PARM1: variants seen among roughly 807,000 people sequenced by gnomAD.
PARM1 encodes WSC4, cell wall integrity and stress response component 4 homolog.
PARM1 carries 14 observed loss-of-function variants against 24.6 expected under a neutral mutation model. That is an observed-to-expected ratio of 0.57 (90% CI 0.38 to 0.89). The LOEUF (loss-of-function observed/expected upper bound fraction) is 0.89, where lower values mean the gene tolerates loss of function less well. Among genes scored for constraint, PARM1 ranks in the 40% least tolerant of loss-of-function variants. The pLI is 0.00. For missense variants in PARM1, 362 were observed against 380.4 expected, an observed-to-expected ratio of 0.95 and a Z score of 0.40; for synonymous variants, 179 against 156.6, an observed-to-expected ratio of 1.14 and a Z score of -1.07.
intron 1 of PARM1, among the ~76,000 whole-genome samples, chr4:75,007,418 G>A (rs1168168796): frequency 6.6e-6 from 1 of 152,086 alleles, no homozygotes. Context: ...GGGGTCACAG[G>A]GCAGGAGTTC....
intron 1 of PARM1, among the ~76,000 whole-genome samples, chr4:75,003,817 C>T (rs1455925176): frequency 1.3e-5 from 2 of 152,142 alleles, no homozygotes; most frequent in Non-Finnish European, 2.9e-5. Flanking sequence ...CTAACAGTGG[C>T]TCAACCTAAA....
intron 3 of PARM1, among the ~76,000 whole-genome samples, chr4:75,040,420 T>G (rs1341804016): frequency 6.6e-6 from 1 of 152,158 alleles, no homozygotes; most frequent in Non-Finnish European, 1.5e-5. Flanking sequence ...TAACAGCTTT[T>G]TAAAAGAAAC....
chr4:74,974,890 A>G (rs1722110704), intron 1 of PARM1, among the ~76,000 whole-genome samples: 1 of 152,108 alleles, frequency 6.6e-6, no homozygotes. Context: ...ACACAGGCAA[A>G]AGGTGGTCAT....
At chr4:74,961,929 A>G (rs1260794514) in intron 1 of PARM1, among the ~76,000 whole-genome samples, 6 of 152,192 alleles carry the variant, frequency 3.9e-5, no homozygotes, top group African/African-American at 1.4e-4. Context: ...AAAATCTGGT[A>G]ACTTTTACAC....
At chr4:75,023,769 T>G (rs956991990) in intron 2 of PARM1, among the ~76,000 whole-genome samples, 2 of 152,178 alleles carry the variant, frequency 1.3e-5, no homozygotes, top group Non-Finnish European at 2.9e-5. Flanking sequence ...AAAGGCAATC[T>G]TGGGGCGTTG....
At chr4:74,953,636 T>G (rs1328116088) in intron 1 of PARM1, among the ~76,000 whole-genome samples, 1 of 152,150 alleles carries the variant, frequency 6.6e-6, no homozygotes, top group Non-Finnish European at 1.5e-5. Flanking sequence ...ATATAAGGGG[T>G]GAGCAGGTCA....
intron 3 of PARM1, among the ~76,000 whole-genome samples, chr4:75,035,658 C>T (rs940732365): frequency 7.9e-5 from 12 of 152,118 alleles, no homozygotes; most frequent in Admixed American, 6.6e-4. Context: ...TATCTCCCTC[C>T]ATCTTGTGTT....
At chr4:74,967,142 C>T (rs560865575) in intron 1 of PARM1, 67 of 152,266 alleles carry the variant, frequency 4.4e-4, no homozygotes, top group African/African-American at 1.6e-3. Flanking sequence ...CTTTATTTTC[C>T]TCTGGGCCAG....
intron 1 of PARM1, among the ~76,000 whole-genome samples, chr4:74,939,951 T>G (rs1381420349): frequency 3.3e-5 from 5 of 152,194 alleles, no homozygotes; most frequent in Admixed American, 6.5e-5. Flanking sequence ...TTGATTTTCT[T>G]TTCAATGAAC....
intron 1 of PARM1, among the ~76,000 whole-genome samples, chr4:74,940,048 T>TTTTTG (rs993100118): frequency 5.9e-5 from 9 of 152,196 alleles, no homozygotes; most frequent in African/African-American, 1.4e-4. Context: ...CTGTGTGTTT[T>TTTTTG]TTTTGTTTTG....
chr4:74,994,415 G>T (rs1722536363), intron 1 of PARM1, among the ~76,000 whole-genome samples: 1 of 152,084 alleles, frequency 6.6e-6, no homozygotes, highest in South Asian at 2.1e-4. Flanking sequence ...CTGTAATAAG[G>T]CTGAATGTCT....
At chr4:75,028,631 C>G (rs1478590507) in intron 2 of PARM1, among the ~76,000 whole-genome samples, 2 of 152,244 alleles carry the variant, frequency 1.3e-5, no homozygotes, top group African/African-American at 4.8e-5. Context: ...TCTAAATAAG[C>G]TGACTGGTGA....
At chr4:75,039,529 A>C (rs1020121910) in intron 3 of PARM1, among the ~76,000 whole-genome samples, 2 of 152,022 alleles carry the variant, frequency 1.3e-5, no homozygotes, top group East Asian at 3.9e-4. Context: ...GCGAGAAAAA[A>C]AAATAAAATA....
At chr4:74,978,974 A>G (rs1722192191) in intron 1 of PARM1, among the ~76,000 whole-genome samples, 1 of 152,192 alleles carries the variant, frequency 6.6e-6, no homozygotes, top group Admixed American at 6.6e-5. Context: ...TAGGAGGGAA[A>G]TTTATAGCAC....
chr4:75,032,725 T>G lies in PARM1; in HGVS notation c.770-1158T>G, dbSNP rs182849881. ...GAGTCGTCAGGGTTAAGTAAATAGT[T>G]CATGGTCACACAGCTACTAATGGTT... On this transcript the variant is annotated intron_variant, in intron 2 of 3. Coordinates refer to ENST00000307428, the MANE Select transcript of PARM1 (RefSeq NM_015393.4). 2.0e-5 allele frequency among the ~76,000 whole-genome samples: 3 copies of G among 152,322 alleles called. No individual in the cohort carries two copies. The East Asian group carries it at 5.8e-4, about 29-fold the overall frequency.
chr4:75,015,142 C>T (rs1722957579), intron 2 of PARM1, among the ~76,000 whole-genome samples: 1 of 152,192 alleles, frequency 6.6e-6, no homozygotes, highest in Admixed American at 6.5e-5. Context: ...TTCCTGACCA[C>T]AAAATCTAAG....
At chr4:75,008,383 A>G (rs576929397) in intron 1 of PARM1, among the ~76,000 whole-genome samples, 2 of 152,346 alleles carry the variant, frequency 1.3e-5, no homozygotes, top group East Asian at 3.9e-4. Flanking sequence ...TTAAACAAGA[A>G]AATGGATATT....
intron 2 of PARM1, among the ~76,000 whole-genome samples, chr4:75,026,830 A>G (rs960607373): frequency 2.6e-5 from 4 of 152,180 alleles, no homozygotes; most frequent in Non-Finnish European, 4.4e-5. Flanking sequence ...CCCTTTGTTC[A>G]TGCTAATTTA....
chr4:75,002,407 T>G (rs1289697612), intron 1 of PARM1, among the ~76,000 whole-genome samples: 1 of 152,204 alleles, frequency 6.6e-6, no homozygotes, highest in Non-Finnish European at 1.5e-5. Flanking sequence ...GTCTGAATTT[T>G]ACAAACACCC....
Sources: allele counts gnomAD v4.1 joint callset (sites outside exome capture counted in the v4.1 genomes callset), GRCh38; gene constraint gnomAD v4.1.1; transcripts MANE v1.5; gene names NCBI Gene and HGNC (gene_info 2026-07-23, HGNC 2026-07-21).